TRDN: variants seen among roughly 807,000 people sequenced by gnomAD.
TRDN encodes triadin.
In TRDN, 161 loss-of-function variants were observed where a neutral mutation model predicts 149.7. That is an observed-to-expected ratio of 1.08 (90% CI 0.95 to 1.23). The LOEUF is 1.23. TRDN is among the 50% of genes most tolerant of loss of function. TRDN has a pLI of 0.00. For missense variants in TRDN, 896 were observed against 823.5 expected (o/e 1.09, Z -1.08); for synonymous variants, 294 against 250.5 (o/e 1.17, Z -1.64).
chr6:123,566,277 T>A (rs1166506236), intron 2 of TRDN, among the ~76,000 whole-genome samples: 2 of 152,178 alleles, frequency 1.3e-5, no homozygotes, highest in Non-Finnish European at 2.9e-5. Flanking sequence ...TATCCCCATT[T>A]CACAGACAAG....
chr6:123,459,779 C>G (rs1445510927), intron 10 of TRDN, among the ~76,000 whole-genome samples: 1 of 152,170 alleles, frequency 6.6e-6, no homozygotes, highest in South Asian at 2.1e-4. Flanking sequence ...ATACTCAGCT[C>G]TAACACTTAA....
In TRDN at chr6:123,399,115, A is replaced by G. The variant is rs561235202; in HGVS notation, c.1052-5438T>C. Among the ~76,000 whole-genome samples the G allele has an allele frequency of 2.0e-4, 31 of 152,290 alleles. No individual in the cohort carries two copies. The East Asian group carries it at 5.4e-3, about 27-fold the overall frequency. ...TAATCTAAAAAAGACTATCGCTTCC[A>G]TTTAACTCATCTAAGTATTTCTTAA... On this transcript the variant is annotated intron_variant, in intron 12 of 40. Coordinates refer to ENST00000334268, the MANE Select transcript of TRDN (RefSeq NM_006073.4).
At chr6:123,235,017 C>A (rs560477869) in intron 38 of TRDN, among the ~76,000 whole-genome samples, 1 of 152,052 alleles carries the variant, frequency 6.6e-6, no homozygotes, top group Non-Finnish European at 1.5e-5. Context: ...AAATTTCCTT[C>A]ATATTTCTCC....
intron 16 of TRDN, among the ~76,000 whole-genome samples, chr6:123,378,672 G>T (rs1470647322): frequency 6.6e-6 from 1 of 152,130 alleles, no homozygotes; most frequent in Non-Finnish European, 1.5e-5. Context: ...CACATTTCAC[G>T]TGGACTGCCT....
rs1227500430 is a variant in TRDN at position 123,216,473 on chromosome 6, A to C, written c.*2128T>G. On this transcript the variant is annotated 3_prime_UTR_variant, in exon 41 of 41. Transcript: ENST00000334268. Reference sequence around the variant, plus strand: ...ATTATTATTAACATTTTTACATTATAGCTGATTTGTCTAAATTCTAATTAC... The same window carrying C: ...ATTATTATTAACATTTTTACATTATCGCTGATTTGTCTAAATTCTAATTAC... The C allele has an allele frequency of 2.0e-5, 3 of 152,094 alleles. No individual in the cohort carries two copies. Among genetic ancestry groups the C allele is most frequent in the Non-Finnish European group, 4.4e-5 (3 of 67,944 alleles). The allele number at this position is 152,094 out of a possible 1,614,324, so 9.4% of individuals were successfully genotyped here.
chr6:123,473,851 A>G (rs1467687290), intron 9 of TRDN, among the ~76,000 whole-genome samples: 1 of 152,140 alleles, frequency 6.6e-6, no homozygotes, highest in Non-Finnish European at 1.5e-5. Context: ...ACTAAGCTTC[A>G]TAAGCGAACG....
intron 9 of TRDN, among the ~76,000 whole-genome samples, chr6:123,477,832 T>A (rs1777564080): frequency 6.7e-6 from 1 of 149,090 alleles, no homozygotes; most frequent in African/African-American, 2.5e-5. Flanking sequence ...CACCGCATAT[T>A]CTCACTCATA....
chr6:123,586,462 T>C (rs1032355925), intron 1 of TRDN, among the ~76,000 whole-genome samples: 6 of 151,984 alleles, frequency 3.9e-5, no homozygotes, highest in East Asian at 3.9e-4. Context: ...ATGAGTTGCA[T>C]TGGGAACAGA....
chr6:123,448,941 C>T lies in TRDN; in HGVS notation c.932-9938G>A, dbSNP rs184789592. Among the ~76,000 whole-genome samples the T allele has an allele frequency of 3.1e-3, 471 of 152,198 alleles. 6 individuals are homozygous for T. Among genetic ancestry groups the T allele is most frequent in the African/African-American group, 0.01 (429 of 41,520 alleles). ...GTACCAGCCCAGAGCCGGGTAGACG[C>T]GCTGGGTGGCTAGACCCAGAAGAGA... is the stretch of plus-strand genomic sequence containing the variant. On this transcript the variant is annotated intron_variant, in intron 10 of 40. Transcript: ENST00000334268.
intron 1 of TRDN, among the ~76,000 whole-genome samples, chr6:123,576,423 A>G (rs190602318): frequency 1.3e-5 from 2 of 152,014 alleles, no homozygotes; most frequent in East Asian, 3.9e-4. Context: ...TTTGCCACTT[A>G]GTCTGTCTGC....
chr6:123,370,765 T>G (rs187527368), intron 19 of TRDN, among the ~76,000 whole-genome samples: 33 of 152,300 alleles, frequency 2.2e-4, no homozygotes, highest in Admixed American at 2.0e-3. Flanking sequence ...AAATACTATC[T>G]TGTACTTTTA....
chr6:123,256,251 CT>C lies in TRDN; in HGVS notation c.1871-350del, dbSNP rs1776557613. Among the ~76,000 whole-genome samples, 3 of 152,212 alleles carry C rather than the reference CT, an allele frequency of 2.0e-5. No homozygotes were observed. In the South Asian group the frequency reaches 6.2e-4, roughly 32 times the overall value. On this transcript the variant is annotated intron_variant, in intron 35 of 40. Transcript: ENST00000334268. ...ATGGTTTCCGGCTTCATCCATGTCC[CT>C]GCAAAGGACATGAACTCATTCATTT...
intron 7 of TRDN, chr6:123,510,221 CT>C (rs1779109751): frequency 6.6e-6 from 1 of 152,018 alleles, no homozygotes; most frequent in South Asian, 2.1e-4. Context: ...TCCATATTAA[CT>C]TTAATAAAAT....
chr6:123,559,510 A>AAC (rs1781862599), intron 2 of TRDN, among the ~76,000 whole-genome samples: 1 of 151,272 alleles, frequency 6.6e-6, no homozygotes. Flanking sequence ...TATTCCCCCC[A>AAC]CTTAACCCAC....
chr6:123,290,861 A>T (rs1431831412), intron 24 of TRDN, among the ~76,000 whole-genome samples: 1 of 152,212 alleles, frequency 6.6e-6, no homozygotes, highest in Admixed American at 6.5e-5. Context: ...TTATGGAAAG[A>T]AAAAGTACTT....
At chr6:123,505,391 G>C (rs1373978676) in intron 7 of TRDN, among the ~76,000 whole-genome samples, 1 of 151,980 alleles carries the variant, frequency 6.6e-6, no homozygotes, top group African/African-American at 2.4e-5. Flanking sequence ...AATGCCAGAT[G>C]CTGGTTAGCT....
At chr6:123,386,345 G>C (rs1426365906) in intron 14 of TRDN, among the ~76,000 whole-genome samples, 2 of 152,126 alleles carry the variant, frequency 1.3e-5, no homozygotes, top group African/African-American at 4.8e-5. Flanking sequence ...AGCTCTGTTA[G>C]GATAACAGCA....
chr6:123,244,046 C>T (rs1296942321), intron 38 of TRDN, among the ~76,000 whole-genome samples: 1 of 152,072 alleles, frequency 6.6e-6, no homozygotes, highest in East Asian at 1.9e-4. Flanking sequence ...GCAATAACAT[C>T]AACATCAACA....
At chr6:123,546,095 C>T (rs997681803) in intron 4 of TRDN, among the ~76,000 whole-genome samples, 2 of 152,054 alleles carry the variant, frequency 1.3e-5, no homozygotes, top group Non-Finnish European at 2.9e-5. Context: ...TAAAGCTTGA[C>T]TATGTTCACT....
Sources: gnomAD v4.1 joint callset for allele counts (sites outside exome capture counted in the v4.1 genomes callset) on GRCh38, gnomAD v4.1.1 for gene constraint, MANE v1.5 for transcripts, NCBI Gene and HGNC (gene_info 2026-07-23, HGNC 2026-07-21) for gene names.